Variants in AUTS2 observed in about 807,000 individuals in gnomAD.
AUTS2 encodes autism susceptibility gene 2 protein.
AUTS2 carries 17 observed loss-of-function variants against 112.4 expected under a neutral mutation model. The observed-to-expected ratio is 0.15, with a 90% CI of 0.10 to 0.23. The LOEUF is 0.23. Ranked by LOEUF, AUTS2 falls within the 10% of genes least tolerant of loss-of-function variation. AUTS2 has a pLI of 1.00. For synonymous variants in AUTS2, 751 were observed against 702.7 expected, an observed-to-expected ratio of 1.07 and a Z score of -1.09; for missense variants, 1,510 against 1,701.6, an observed-to-expected ratio of 0.89 and a Z score of 1.98.
intron 1 of AUTS2, among the ~76,000 whole-genome samples, chr7:69,894,278 T>TTTTTA (rs1491190658): frequency 2.5e-5 from 3 of 118,248 alleles, no homozygotes; most frequent in Admixed American, 8.8e-5. Flanking sequence ...TTTTTTTTTT[T>TTTTTA]AACAGATTTC....
intron 3 of AUTS2, among the ~76,000 whole-genome samples, chr7:70,127,642 A>G (rs750446530): frequency 4.6e-5 from 7 of 152,224 alleles, no homozygotes; most frequent in African/African-American, 9.6e-5. Flanking sequence ...ACAGAAAAAT[A>G]TTTAACACCT....
chr7:70,155,218 T>G (rs1216502188), intron 4 of AUTS2, among the ~76,000 whole-genome samples: 1 of 152,090 alleles, frequency 6.6e-6, no homozygotes, highest in Non-Finnish European at 1.5e-5. Context: ...AGGAAAACCG[T>G]GGGCTGAGCT....
intron 5 of AUTS2, among the ~76,000 whole-genome samples, chr7:70,677,226 G>A (rs965595631): frequency 6.6e-6 from 1 of 152,150 alleles, no homozygotes; most frequent in African/African-American, 2.4e-5. Flanking sequence ...GTAGTCCTTG[G>A]TTGTGTTTTC....
At chr7:69,713,464 T>G (rs1444526806) in intron 1 of AUTS2, among the ~76,000 whole-genome samples, 3 of 151,112 alleles carry the variant, frequency 2.0e-5, no homozygotes, top group Non-Finnish European at 4.4e-5. Flanking sequence ...TCAAGAGTTT[T>G]TTTTTTTTTT....
chr7:70,468,088 T>C (rs946938764), intron 5 of AUTS2, among the ~76,000 whole-genome samples: 4 of 152,100 alleles, frequency 2.6e-5, no homozygotes, highest in African/African-American at 9.7e-5. Context: ...GCGGTTGTTA[T>C]TTTGACTCAA....
At chr7:70,245,144 G>GA (rs1554346240) in intron 4 of AUTS2, among the ~76,000 whole-genome samples, 1 of 108,998 alleles carries the variant, frequency 9.2e-6, no homozygotes, top group Non-Finnish European at 1.7e-5. Flanking sequence ...GTGTGTGTGT[G>GA]TATATATATA....
At chr7:70,215,526 C>T (rs1257825651) in intron 4 of AUTS2, among the ~76,000 whole-genome samples, 1 of 152,028 alleles carries the variant, frequency 6.6e-6, no homozygotes, top group Non-Finnish European at 1.5e-5. Context: ...TATTACTCTC[C>T]GGAGAATGTT....
chr7:70,190,490 T>C (rs1386100663), intron 4 of AUTS2, among the ~76,000 whole-genome samples: 1 of 152,210 alleles, frequency 6.6e-6, no homozygotes, highest in African/African-American at 2.4e-5. Context: ...CTGCCGCATT[T>C]TCGTTGAAGC....
At chr7:70,686,136 G>A (rs1808465450) in intron 5 of AUTS2, among the ~76,000 whole-genome samples, 1 of 152,188 alleles carries the variant, frequency 6.6e-6, no homozygotes, top group Admixed American at 6.5e-5. Flanking sequence ...TGTCCCCTTA[G>A]GGGACTGGGT....
At chr7:69,876,484 GTATATATATATATATATA>G (rs58131271) in intron 1 of AUTS2, among the ~76,000 whole-genome samples, 674 of 54,194 alleles carry the variant, frequency 0.012, 24 homozygotes, top group East Asian at 0.029. Flanking sequence ...AATATTTTGT[GTATATATATATATATATA>G]TATATATATA....
intron 5 of AUTS2, among the ~76,000 whole-genome samples, chr7:70,570,209 A>C (rs1003847035): frequency 1.1e-4 from 16 of 152,304 alleles, no homozygotes; most frequent in Non-Finnish European, 1.9e-4. Context: ...GATTCATACA[A>C]GTTTAAATCC....
chr7:69,849,544 C>G (rs984324317), intron 1 of AUTS2, among the ~76,000 whole-genome samples: 2 of 152,044 alleles, frequency 1.3e-5, no homozygotes, highest in Non-Finnish European at 2.9e-5. Context: ...CACTGTCTTA[C>G]CTCCTGGCAA....
At chr7:70,582,724 T>G (rs1263815622) in intron 5 of AUTS2, among the ~76,000 whole-genome samples, 1 of 152,202 alleles carries the variant, frequency 6.6e-6, no homozygotes, top group African/African-American at 2.4e-5. Context: ...GTGTCTGCTT[T>G]TGACTTGAGC....
At chr7:70,463,346 C>CCCAG (rs1205037356) in intron 5 of AUTS2, among the ~76,000 whole-genome samples, 12 of 152,212 alleles carry the variant, frequency 7.9e-5, no homozygotes, top group Non-Finnish European at 7.3e-5. Flanking sequence ...GTTCATAAGA[C>CCCAG]CCAGATAAGC....
At position 70,251,848 on chromosome 7, in the gene AUTS2, G is replaced by A. The variant is rs558148071; in HGVS notation, c.660+117277G>A. 9.8e-4 allele frequency among the ~76,000 whole-genome samples: 149 copies of A among 152,074 alleles called. 1 individual carries two copies. Among genetic ancestry groups the A allele is most frequent in the Non-Finnish European group, 1.6e-3 (110 of 67,938 alleles). On this transcript the variant is annotated intron_variant, in intron 4 of 18. Transcript: ENST00000342771. Reference sequence around the variant, plus strand: ...TTTCAAATTTGAAAATCATTGTAAGGTCAGAAACTGTGTGAATAATACCAT... The same window carrying A: ...TTTCAAATTTGAAAATCATTGTAAGATCAGAAACTGTGTGAATAATACCAT...
chr7:69,940,116 A>G (rs1484360506), intron 2 of AUTS2, among the ~76,000 whole-genome samples: 1 of 152,216 alleles, frequency 6.6e-6, no homozygotes, highest in Non-Finnish European at 1.5e-5. Flanking sequence ...CAACCCAGGC[A>G]CAAAGAGACT....
intron 1 of AUTS2, among the ~76,000 whole-genome samples, chr7:69,671,473 T>G (rs1369606394): frequency 1.4e-5 from 2 of 142,288 alleles, no homozygotes; most frequent in African/African-American, 5.2e-5. Context: ...ATGTTTTGGC[T>G]GCTGCTGCTG....
chr7:70,466,634 A>G (rs186119717), intron 5 of AUTS2, among the ~76,000 whole-genome samples: 115 of 152,366 alleles, frequency 7.5e-4, no homozygotes, highest in Non-Finnish European at 1.2e-3. Context: ...TTCCATGCAC[A>G]TATAAAGAAA....
chr7:70,131,181 G>A (rs1294113476), intron 3 of AUTS2, among the ~76,000 whole-genome samples: 1 of 152,060 alleles, frequency 6.6e-6, no homozygotes, highest in African/African-American at 2.4e-5. Context: ...GCTTGGCACG[G>A]CGCCTCATGC....
Sources: gnomAD v4.1 joint callset for allele counts (sites outside exome capture counted in the v4.1 genomes callset) on GRCh38, gnomAD v4.1.1 for gene constraint, MANE v1.5 for transcripts, NCBI Gene and HGNC (gene_info 2026-07-23, HGNC 2026-07-21) for gene names.